Variants in TRERF1 observed in about 807,000 individuals in gnomAD.
TRERF1 encodes the protein transcriptional-regulating factor 1.
A neutral mutation model predicts 122.9 loss-of-function variants in TRERF1; 27 were observed. That is an observed-to-expected ratio of 0.22 (90% CI 0.16 to 0.30). The LOEUF is 0.30. Ranked by LOEUF, TRERF1 falls within the 10% of genes least tolerant of loss-of-function variation. The pLI is 1.00. For synonymous variants in TRERF1, 636 were observed against 641.7 expected, an observed-to-expected ratio of 0.99 and a Z score of 0.13; for missense variants, 1,248 against 1,560.3, an observed-to-expected ratio of 0.80 and a Z score of 3.37.
intron 2 of TRERF1, among the ~76,000 whole-genome samples, chr6:42,440,337 C>A (rs113109433): frequency 6.6e-6 from 1 of 152,224 alleles, no homozygotes; most frequent in Non-Finnish European, 1.5e-5. Context: ...GTCTTTGGAG[C>A]GGGTCCTGAG....
intron 2 of TRERF1, among the ~76,000 whole-genome samples, chr6:42,365,533 T>A (rs1470855680): frequency 6.6e-6 from 1 of 152,160 alleles, no homozygotes; most frequent in Non-Finnish European, 1.5e-5. Flanking sequence ...AGAAGATTCA[T>A]TATTCCTTGA....
chr6:42,251,901 G>A (rs142877211), intron 13 of TRERF1, among the ~76,000 whole-genome samples: 3 of 152,312 alleles, frequency 2.0e-5, no homozygotes, highest in Non-Finnish European at 4.4e-5. Context: ...CCCCTCTGCA[G>A]GAATGACCAG....
In TRERF1 at chr6:42,228,134, C is replaced by T; in HGVS notation, c.*211G>A. ...GAAACACCTCTTAAAGATAGTTGTG[C>T]CAATTATTTATTCCCCCAACCCCCC... On this transcript the variant is annotated 3_prime_UTR_variant, in exon 18 of 18. Coordinates refer to ENST00000372922, the Ensembl canonical transcript of TRERF1. The surrounding 1 kb of genome is among the most constrained non-coding windows in gnomAD (Gnocchi z 4.2). The T allele has an allele frequency of 2.1e-6, 1 of 469,666 alleles. No homozygotes were observed. The highest frequency in any genetic ancestry group is 3.7e-6 in the Non-Finnish European group (1 of 268,974). The allele number at this position is 469,666 out of a possible 1,614,324, so 29.1% of individuals were successfully genotyped here.
At chr6:42,266,463 A>G (rs1043699718) in intron 5 of TRERF1, among the ~76,000 whole-genome samples, 1 of 152,198 alleles carries the variant, frequency 6.6e-6, no homozygotes, top group Admixed American at 6.5e-5. Context: ...TGCTTGGATT[A>G]TAGGTGTGAA....
At chr6:42,308,579 T>C (rs1447773683) in intron 3 of TRERF1, among the ~76,000 whole-genome samples, 2 of 152,190 alleles carry the variant, frequency 1.3e-5, no homozygotes, top group South Asian at 2.1e-4. Flanking sequence ...CAATGACTTG[T>C]ATACTTTAAA....
At chr6:42,265,967 G>A (rs1379304654) in intron 5 of TRERF1, among the ~76,000 whole-genome samples, 170 bp from the exon 6 acceptor site, 1 of 152,022 alleles carries the variant, frequency 6.6e-6, no homozygotes, top group Non-Finnish European at 1.5e-5. Flanking sequence ...TTCTGCAATT[G>A]ACTTCTGTCC....
At chr6:42,243,420 AG>A (rs1429980584) in intron 14 of TRERF1, 59 bp from the exon 15 acceptor site, 86 of 1,207,072 alleles carry the variant, frequency 7.1e-5, no homozygotes, top group Non-Finnish European at 4.9e-6. Context: ...AAAGGTAGCA[AG>A]CATTTTTGAA....
chr6:42,268,263 C>A lies in TRERF1; in HGVS notation c.1328G>T (p.Arg443Leu). ...GCGATGGGGGAGGGTGCTGCTGACC[C>A]GGGTCAGATCTGAGCTCGCTGGGTC... Residue 443 changes from arginine (R) to leucine (L), a missense_variant, in exon 5 of 18, where the codon CGG (arginine) becomes CTG (leucine). Arg to Leu is a moderately radical substitution (Grantham distance 102). Coordinates refer to ENST00000372922, the Ensembl canonical transcript of TRERF1. The surrounding 1 kb of genome is among the most constrained non-coding windows in gnomAD (Gnocchi z 4.4). 1 of 1,500,274 alleles carries A rather than the reference C, an allele frequency of 6.7e-7. No individual in the cohort carries two copies. The highest frequency in any genetic ancestry group is 8.9e-7 in the Non-Finnish European group (1 of 1,125,340). The allele number at this position is 1,500,274 out of a possible 1,614,324, so 92.9% of individuals were successfully genotyped here.
intron 14 of TRERF1, among the ~76,000 whole-genome samples, chr6:42,243,856 G>A (rs1374989422): frequency 6.0e-5 from 9 of 149,842 alleles, no homozygotes; most frequent in African/African-American, 9.9e-5. Context: ...CTGGGATTAC[G>A]GGCGTGAGTC....
chr6:42,237,595 C>T (rs1156478798), intron 15 of TRERF1, among the ~76,000 whole-genome samples: 1 of 152,222 alleles, frequency 6.6e-6, no homozygotes, highest in African/African-American at 2.4e-5. Flanking sequence ...AGGCTCTCTG[C>T]ATAACTCATC....
intron 2 of TRERF1, among the ~76,000 whole-genome samples, chr6:42,431,037 G>C (rs1351832320): frequency 6.7e-6 from 1 of 150,158 alleles, no homozygotes; most frequent in Non-Finnish European, 1.5e-5. Flanking sequence ...TCCAGCCTGG[G>C]TGACAGAGCA....
chr6:42,392,424 C>T (rs868622537), intron 2 of TRERF1, among the ~76,000 whole-genome samples: 1 of 152,104 alleles, frequency 6.6e-6, no homozygotes, highest in South Asian at 2.1e-4. Context: ...AGCAAACCAA[C>T]GATAAACGTT....
intron 13 of TRERF1, among the ~76,000 whole-genome samples, chr6:42,247,704 T>C (rs888942411): frequency 5.3e-5 from 8 of 152,232 alleles, no homozygotes; most frequent in African/African-American, 1.9e-4. Flanking sequence ...AAAGTTATAC[T>C]GGCTTGTTTG....
intron 2 of TRERF1, among the ~76,000 whole-genome samples, chr6:42,386,165 G>T (rs1157577862): frequency 6.6e-6 from 1 of 152,186 alleles, no homozygotes; most frequent in Non-Finnish European, 1.5e-5. Context: ...AGGCCGACAT[G>T]GTGAAACCCT....
At chr6:42,338,406 G>A (rs993294211) in intron 3 of TRERF1, among the ~76,000 whole-genome samples, 2 of 152,198 alleles carry the variant, frequency 1.3e-5, no homozygotes, top group Non-Finnish European at 2.9e-5. Context: ...CCGCACACAC[G>A]CATGTGCACA....
At chr6:42,390,713 C>T (rs1229981515) in intron 2 of TRERF1, among the ~76,000 whole-genome samples, 2 of 152,186 alleles carry the variant, frequency 1.3e-5, no homozygotes, top group East Asian at 3.8e-4. Flanking sequence ...AATTTCACCG[C>T]TCCCGTCAAC....
rs754331478 is a variant in TRERF1 at position 42,314,508 on chromosome 6, C to T, written c.-370-13759G>A. Among the ~76,000 whole-genome samples, 170 of 152,326 alleles carry T rather than the reference C, an allele frequency of 1.1e-3. 1 individual carries two copies. The highest frequency in any genetic ancestry group is 6.8e-3 in the Middle Eastern group (2 of 294). On this transcript the variant is annotated intron_variant, in intron 3 of 17. Transcript: ENST00000372922. ...TGCCTCAATGCTAGGCATTGTTCTC[C>T]GTGACTGGCACGCAACAGTGAACAA... is the stretch of plus-strand genomic sequence containing the variant.
At chr6:42,241,437 A>T (rs1163708534) in intron 15 of TRERF1, among the ~76,000 whole-genome samples, 2 of 152,088 alleles carry the variant, frequency 1.3e-5, no homozygotes, top group African/African-American at 4.8e-5. Flanking sequence ...ATTAGTTAGA[A>T]GCATAGGCTT....
rs371297488 is a variant in TRERF1 at position 42,338,310 on chromosome 6, G to T, written c.-371+24687C>A. On this transcript the variant is annotated intron_variant, in intron 3 of 17. Coordinates refer to ENST00000372922, the Ensembl canonical transcript of TRERF1. ...TTGGGGGTAGGGAAATGGGCAACCG[G>T]TCTTCTGAACAAGACTGGGATTCTT... Among the ~76,000 whole-genome samples the T allele has an allele frequency of 0.017, 2,656 of 152,210 alleles. 169 individuals are homozygous for T. The East Asian group carries it at 0.22, about 13-fold the overall frequency.
Sources: gnomAD v4.1 joint callset for allele counts (sites outside exome capture counted in the v4.1 genomes callset) on GRCh38, gnomAD v4.1.1 for gene constraint, Gnocchi (gnomAD v3.1) non-coding constraint, MANE v1.5 for transcripts, NCBI Gene and HGNC (gene_info 2026-07-23, HGNC 2026-07-21) for gene names.